The following ADCY8 variants were observed in gnomAD, a reference collection of about 807,000 sequenced individuals.
ADCY8 encodes adenylate cyclase type 8.
Under a neutral mutation model 119.7 loss-of-function variants are expected in ADCY8, and 51 were observed. The observed-to-expected ratio is 0.43, with a 90% CI of 0.34 to 0.54. ADCY8 has a LOEUF of 0.54. Among genes scored for constraint, ADCY8 ranks in the 20% least tolerant of loss-of-function variants. ADCY8 has a pLI of 0.03. For missense variants in ADCY8, 1,383 were observed against 1,598.8 expected (o/e 0.87, Z 2.30); for synonymous variants, 665 against 651.0 (o/e 1.02, Z -0.33).
At chr8:131,017,959 A>C in intron 1 of ADCY8, among the ~76,000 whole-genome samples, 1 of 152,338 alleles carries the variant, frequency 6.6e-6, no homozygotes, top group African/African-American at 2.4e-5. Flanking sequence ...ATATCAGAAA[A>C]CTTTAAAATA....
In ADCY8 at chr8:130,937,078, G is replaced by A; in HGVS notation, c.1476C>T (p.Thr492=). 5 of 1,610,840 alleles carry A rather than the reference G, an allele frequency of 3.1e-6. No individual in the cohort carries two copies. Among genetic ancestry groups the A allele is most frequent in the African/African-American group, 1.3e-5 (1 of 74,946 alleles). ...CVEMGLSMIK[T]IRYVRSRTKH... is the part of the protein sequence containing the mutation. ...TGATGGGGATCACAAATTACCTGAT[G>A]GTTTTGATCATGCTGAGACCCATTT... The change falls in exon 5 of 18, where the codon ACC becomes ACT. Residue 492 remains threonine (T), a synonymous_variant. Coordinates refer to ENST00000286355, the MANE Select transcript of ADCY8 (RefSeq NM_001115.3).
chr8:130,828,285 A>G (rs1256659182), intron 12 of ADCY8, among the ~76,000 whole-genome samples: 1 of 152,238 alleles, frequency 6.6e-6, no homozygotes, highest in African/African-American at 2.4e-5. Context: ...GTAACTAGGC[A>G]TATAGCTCAA....
intron 2 of ADCY8, among the ~76,000 whole-genome samples, chr8:130,959,197 C>A (rs1438266917): frequency 6.6e-6 from 1 of 152,114 alleles, no homozygotes; most frequent in East Asian, 1.9e-4. Context: ...CATTAACATG[C>A]TCTCTATTTG....
intron 2 of ADCY8, among the ~76,000 whole-genome samples, chr8:130,961,143 T>G (rs762163658): frequency 3.9e-5 from 6 of 152,158 alleles, no homozygotes; most frequent in Non-Finnish European, 7.4e-5. Flanking sequence ...GGAGTCTCAC[T>G]CTGTCACCCA....
chr8:130,952,573 G>A lies in ADCY8; in HGVS notation c.1111-575C>T, dbSNP rs148658166. 5.9e-5 allele frequency among the ~76,000 whole-genome samples: 9 copies of A among 152,350 alleles called. No homozygotes were observed. The East Asian group carries it at 1.5e-3, about 26-fold the overall frequency. On this transcript the variant is annotated intron_variant, in intron 2 of 17. Coordinates refer to ENST00000286355, the MANE Select transcript of ADCY8 (RefSeq NM_001115.3). ...GGAGGTGTAGCTAGATCTTGCAGGTGAGCATACAATGTTTGTGTTTAATTC... is the reference window on the plus strand; with the variant it reads ...GGAGGTGTAGCTAGATCTTGCAGGTAAGCATACAATGTTTGTGTTTAATTC...
intron 7 of ADCY8, among the ~76,000 whole-genome samples, chr8:130,903,176 T>G (rs1216377470): frequency 6.6e-6 from 1 of 152,206 alleles, no homozygotes; most frequent in Non-Finnish European, 1.5e-5. Context: ...CTACTCCTTA[T>G]GTACTGACTT....
At chr8:131,014,938 C>T (rs6470883) in intron 1 of ADCY8, among the ~76,000 whole-genome samples, 80,733 of 151,988 alleles carry the variant, frequency 0.53, 22,350 homozygotes, top group East Asian at 0.73. Flanking sequence ...CTGAACTTCA[C>T]GGTTATTGTG....
At chr8:130,986,222 C>T (rs967322633) in intron 2 of ADCY8, among the ~76,000 whole-genome samples, 8 of 152,178 alleles carry the variant, frequency 5.3e-5, no homozygotes, top group African/African-American at 1.9e-4. Flanking sequence ...GGTAAAAGTG[C>T]TCTTCCCACT....
At chr8:131,012,819 G>A (rs73350436) in intron 1 of ADCY8, among the ~76,000 whole-genome samples, 13,131 of 152,172 alleles carry the variant, frequency 0.086, 1,710 homozygotes, top group African/African-American at 0.28. Flanking sequence ...TTGAAATTGC[G>A]TCACAGCTCA....
At chr8:130,983,483 G>A (rs1488728977) in intron 2 of ADCY8, among the ~76,000 whole-genome samples, 2 of 152,170 alleles carry the variant, frequency 1.3e-5, no homozygotes, top group East Asian at 3.9e-4. Context: ...CAGAGAGGGA[G>A]GGAGACAGAT....
chr8:130,875,115 A>T (rs1383219811), intron 8 of ADCY8, among the ~76,000 whole-genome samples: 1 of 152,144 alleles, frequency 6.6e-6, no homozygotes, highest in East Asian at 1.9e-4. Flanking sequence ...AAAAATACAC[A>T]CGAAATGGTA....
intron 16 of ADCY8, among the ~76,000 whole-genome samples, chr8:130,784,218 A>G (rs1289591156): frequency 6.7e-6 from 1 of 150,256 alleles, no homozygotes; most frequent in East Asian, 2.0e-4. Flanking sequence ...ATGTGTGGGT[A>G]TGGGTATGTG....
chr8:130,844,408 T>C (rs565242514), intron 11 of ADCY8, among the ~76,000 whole-genome samples: 16 of 152,308 alleles, frequency 1.1e-4, no homozygotes, highest in African/African-American at 3.8e-4. Context: ...ATATCATACA[T>C]TGTAAAAGCC....
chr8:130,847,331 T>A, intron 11 of ADCY8, 93 bp downstream of exon 11: 1 of 892,888 alleles, frequency 1.1e-6, no homozygotes, highest in Non-Finnish European at 1.7e-6. Flanking sequence ...TCTTGAGTAT[T>A]TTCTATGGCC....
intron 12 of ADCY8, among the ~76,000 whole-genome samples, chr8:130,835,450 C>T (rs1405504349): frequency 1.3e-5 from 2 of 152,192 alleles, no homozygotes; most frequent in Non-Finnish European, 2.9e-5. Flanking sequence ...CCCATGTTGC[C>T]AGCAAAATGT....
At chr8:130,802,903 C>G (rs1035496017) in intron 14 of ADCY8, among the ~76,000 whole-genome samples, 2 of 152,338 alleles carry the variant, frequency 1.3e-5, no homozygotes, top group African/African-American at 4.8e-5. Flanking sequence ...TCCCTCGCCC[C>G]TTGGGCCTGA....
Position 131,009,771 on chromosome 8 carries a change from T to C in ADCY8, c.961-19229A>G, listed in dbSNP as rs1257064026. 2.6e-5 allele frequency among the ~76,000 whole-genome samples: 4 copies of C among 152,210 alleles called. No homozygotes were observed. The East Asian group carries it at 7.7e-4, about 29-fold the overall frequency. On this transcript the variant is annotated intron_variant, in intron 1 of 17. Coordinates refer to ENST00000286355, the MANE Select transcript of ADCY8 (RefSeq NM_001115.3). ...CTCGAGGAGGTAACATTTAAGTTGA[T>C]TCATGAATAATGTATAGAAGTTAGG...
In ADCY8 at chr8:130,931,242, C is replaced by T. The variant is rs115080255; in HGVS notation, c.1481+5831G>A. The stretch of plus-strand genomic sequence containing the variant: ...GTCTGGCAGGTTTCTCATTTCCCTT[C>T]AGCACTTTGAATATGTCTCCCACTT... On this transcript the variant is annotated intron_variant, in intron 5 of 17. Coordinates refer to ENST00000286355, the MANE Select transcript of ADCY8 (RefSeq NM_001115.3). Among the ~76,000 whole-genome samples the T allele has an allele frequency of 3.1e-3, 466 of 152,268 alleles. 4 individuals are homozygous for T. Among genetic ancestry groups the T allele is most frequent in the African/African-American group, 0.01 (419 of 41,548 alleles).
chr8:130,894,780 CCT>C (rs1386934355), intron 7 of ADCY8, among the ~76,000 whole-genome samples: 1 of 152,100 alleles, frequency 6.6e-6, no homozygotes, highest in Non-Finnish European at 1.5e-5. Context: ...AATTCAGTCA[CCT>C]TAGAATGGGA....
Sources: gnomAD v4.1 joint callset for allele counts (sites outside exome capture counted in the v4.1 genomes callset) on GRCh38, gnomAD v4.1.1 for gene constraint, MANE v1.5 for transcripts, NCBI Gene and HGNC (gene_info 2026-07-23, HGNC 2026-07-21) for gene names.